Variants in IRS2 observed in about 807,000 individuals in gnomAD.
IRS2 encodes the protein insulin receptor substrate 2.
A neutral mutation model predicts 70.9 loss-of-function variants in IRS2; 28 were observed. The ratio of observed to expected loss-of-function variants is 0.39; its 90% CI spans 0.29 to 0.54. The LOEUF is 0.54. IRS2 is among the 20% of genes least tolerant of loss of function. The pLI, the probability that IRS2 is intolerant of heterozygous loss-of-function variation, is 0.59. For missense variants in IRS2, 2,081 were observed against 2,024.1 expected, an observed-to-expected ratio of 1.03 and a Z score of -0.54; for synonymous variants, 1,217 against 981.9, an observed-to-expected ratio of 1.24 and a Z score of -4.48.
chr13:109,784,927 G>A lies in IRS2; in HGVS notation c.1127C>T (p.Ala376Val), dbSNP rs1173701362. The change falls in exon 1 of 2, where the codon GCG becomes GTG. Residue 376 changes from alanine to valine, a missense_variant. Ala to Val is a moderately conservative substitution (Grantham distance 64). Transcript: ENST00000375856. This position sits in a 1 kb window ranked among gnomAD's most constrained non-coding sequence, Gnocchi z 5.2. ...EGDGGAAAGA[A>V]AAGARPVSVA... ...CGACACCGGCCTGGCGCCCGCGGCC[G>A]CCGCTCCCGCCGCCGCGCCGCCGTC... 9.4e-7 allele frequency: 1 copy of A among 1,058,812 alleles called. No individual in the cohort carries two copies. Among genetic ancestry groups the A allele is most frequent in the Non-Finnish European group, 1.1e-6 (1 of 879,652 alleles). The allele number at this position is 1,058,812 out of a possible 1,614,324, so 65.6% of individuals were successfully genotyped here. A position where few individuals can be genotyped will look rare whatever the true frequency, so the allele number is the denominator to read the frequency against.
In IRS2 at chr13:109,784,945, C is replaced by A; in HGVS notation, c.1109G>T (p.Gly370Val). Residue 370 changes from glycine to valine, a missense_variant, in exon 1 of 2, where the codon GGC becomes GTC. By Grantham distance (109) the Gly-to-Val change is moderately radical. Coordinates refer to ENST00000375856, the MANE Select transcript of IRS2 (RefSeq NM_003749.3). The surrounding 1 kb of genome is among the most constrained non-coding windows in gnomAD (Gnocchi z 5.2). ...CGCGGCCGCCGCTCCCGCCGCCGCG[C>A]CGCCGTCGCCCTCGCTGGCGGTGCG... is the stretch of plus-strand genomic sequence containing the variant. ...RVRTASEGDG[G>V]AAAGAAAAGA... 3 of 1,134,216 alleles carry A rather than the reference C, an allele frequency of 2.6e-6. No individual in the cohort carries two copies. Among genetic ancestry groups the A allele is most frequent in the Non-Finnish European group, 3.2e-6 (3 of 926,210 alleles). The allele number at this position is 1,134,216 out of a possible 1,614,324, so 70.3% of individuals were successfully genotyped here.
chr13:109,758,527 T>A (rs1760753823), intron 1 of IRS2, among the ~76,000 whole-genome samples: 1 of 126,142 alleles, frequency 7.9e-6, no homozygotes, highest in Non-Finnish European at 1.7e-5. Context: ...TGTGATTTCA[T>A]GAGGCCACTG....
rs1282400726 is a variant in IRS2, at chr13:109,783,752, T to C, written c.2302A>G (p.Asn768Asp). ...GTGACCGCGTCGCTGGGGGACACGT[T>C]GAGGTAGTCCCCGTTGGGCAGCAGC... The part of the protein sequence containing the change: ...GKLLPNGDYL[N>D]VSPSDAVTTG... Residue 768 changes from asparagine to aspartate, a missense_variant, in exon 1 of 2, where the codon AAC (asparagine) becomes GAC (aspartate). By Grantham distance (23) the Asn-to-Asp change is conservative. This residue lies in a region of IRS2 where 1,615 missense variants were observed against 1,459.5 expected (regional missense o/e 1.11). Coordinates refer to ENST00000375856, the MANE Select transcript of IRS2 (RefSeq NM_003749.3). 6.3e-7 allele frequency: 1 copy of C among 1,591,762 alleles called. No homozygotes were observed. Among genetic ancestry groups the C allele is most frequent in the Non-Finnish European group, 8.6e-7 (1 of 1,169,464 alleles).
intron 1 of IRS2, among the ~76,000 whole-genome samples, chr13:109,776,130 T>G (rs544765688): frequency 2.0e-5 from 3 of 147,072 alleles, no homozygotes; most frequent in Non-Finnish European, 4.4e-5. Context: ...GACTGAGTGA[T>G]AGAGTGAGAC....
rs1877079265 is a variant in IRS2, at chr13:109,755,251, A to G, written c.*1053T>C. On this transcript the variant is annotated 3_prime_UTR_variant, in exon 2 of 2. Coordinates refer to ENST00000375856, the MANE Select transcript of IRS2 (RefSeq NM_003749.3). ...TCTTTTTGTTTTTTTTGTTCAGGGCAGCCTCACTGGTTGACATAATAACAT... is the reference window on the plus strand; with the variant it reads ...TCTTTTTGTTTTTTTTGTTCAGGGCGGCCTCACTGGTTGACATAATAACAT... 1 of 205,702 alleles carries G rather than the reference A, an allele frequency of 4.9e-6. No individual in the cohort carries two copies. Among genetic ancestry groups the G allele is most frequent in the South Asian group, 2.0e-4 (1 of 4,940 alleles). 12.7% of individuals were successfully genotyped at this position (205,702 alleles called of 1,614,324 possible). A position where few individuals can be genotyped will look rare whatever the true frequency, so the allele number is the denominator to read the frequency against.
At chr13:109,766,033 C>T (rs1474993483) in intron 1 of IRS2, among the ~76,000 whole-genome samples, 2 of 30,556 alleles carry the variant, frequency 6.5e-5, no homozygotes, top group African/African-American at 1.4e-4. Context: ...ACCCTGGCTC[C>T]GACTCCCCAC....
intron 1 of IRS2, among the ~76,000 whole-genome samples, chr13:109,781,036 C>G (rs1234697009): frequency 6.6e-6 from 1 of 152,152 alleles, no homozygotes; most frequent in East Asian, 1.9e-4. Context: ...TTTGTCTTTC[C>G]CTTGTTTTCT....
intron 1 of IRS2, 149 bp downstream of exon 1, chr13:109,781,893 G>T: frequency 2.4e-6 from 2 of 832,268 alleles, no homozygotes; most frequent in Non-Finnish European, 3.9e-6. Flanking sequence ...GAACAGGGCA[G>T]CCCGCAGAAA....
chr13:109,785,064 G>C lies in IRS2; in HGVS notation c.990C>G (p.Asn330Lys). ...CCAGGCCCGTCTGGCTGGGGGGCAG[G>C]TTGACCAGGTGGTGGTGGCGGCGCG... The part of the protein sequence containing the change: ...PGARRHHHLV[N>K]LPPSQTGLVR... The change falls in exon 1 of 2, where the codon AAC becomes AAG. Residue 330 changes from asparagine (N) to lysine (K), a missense_variant. Physicochemically the swap from Asn to Lys is moderately conservative, Grantham distance 94. Around this residue, in one of 4 missense-constraint regions of IRS2, gnomAD observed 111 missense variants for 133.1 expected, o/e 0.83. Transcript: ENST00000375856. The surrounding 1 kb of genome is among the most constrained non-coding windows in gnomAD (Gnocchi z 9.3). 6.4e-7 allele frequency: 1 copy of C among 1,568,238 alleles called. No individual in the cohort carries two copies. The highest frequency in any genetic ancestry group is 8.6e-7 in the Non-Finnish European group (1 of 1,158,478).
intron 1 of IRS2, among the ~76,000 whole-genome samples, chr13:109,764,986 C>T (rs1403947907): frequency 6.6e-6 from 1 of 152,186 alleles, no homozygotes; most frequent in Non-Finnish European, 1.5e-5. Context: ...GAGGACAGGA[C>T]AAAATGCCCG....
At chr13:109,760,499 A>C (rs1219428719) in intron 1 of IRS2, among the ~76,000 whole-genome samples, 2 of 152,244 alleles carry the variant, frequency 1.3e-5, no homozygotes, top group African/African-American at 4.8e-5. Flanking sequence ...TAAAACCAAC[A>C]AACAAAAACA....
Position 109,784,858 on chromosome 13 carries a change from A to G in IRS2, c.1196T>C (p.Leu399Pro). The G allele has an allele frequency of 1.7e-6, 2 of 1,154,514 alleles. No homozygotes were observed. Among genetic ancestry groups the G allele is most frequent in the Non-Finnish European group, 2.1e-6 (2 of 932,416 alleles). The allele number at this position is 1,154,514 out of a possible 1,614,324, so 71.5% of individuals were successfully genotyped here. ...PLSPGPVRAP[L>P]SRSHTLSGGC... is the part of the protein sequence containing the mutation. The stretch of plus-strand genomic sequence containing the variant: ...GCCGCTCAGGGTGTGCGAGCGGCTC[A>G]GGGGCGCGCGCACCGGCCCGGGGCT... The change falls in exon 1 of 2, where the codon CTG becomes CCG. Residue 399 changes from leucine to proline, a missense_variant. Leu to Pro is a moderately conservative substitution (Grantham distance 98, BLOSUM62 -3). Around this residue, in one of 4 missense-constraint regions of IRS2, gnomAD observed 1,615 missense variants for 1,459.5 expected, o/e 1.11. Transcript: ENST00000375856. This position sits in a 1 kb window ranked among gnomAD's most constrained non-coding sequence, Gnocchi z 5.2.
chr13:109,782,966 G>A lies in IRS2; in HGVS notation c.3088C>T (p.Gln1030Ter), dbSNP rs2138931274. 7.0e-7 allele frequency: 1 copy of A among 1,422,938 alleles called. No individual in the cohort carries two copies. The highest frequency in any genetic ancestry group is 9.1e-7 in the Non-Finnish European group (1 of 1,093,084). 88.1% of individuals were successfully genotyped at this position (1,422,938 alleles called of 1,614,324 possible). A position where few individuals can be genotyped will look rare whatever the true frequency, so the allele number is the denominator to read the frequency against. The change falls in exon 1 of 2, where the codon CAG (glutamine) becomes TAG (stop). Residue 1030 changes from glutamine (Q) to a stop codon, truncating the protein, a stop_gained. Transcript: ENST00000375856. LOFTEE classifies it high-confidence loss of function. ...RPSASPSSSL[Q>*]PPPPPPAPGE... is the part of the protein sequence containing the mutation. ...GGGGCCGGCGGCGGTGGCGGCGGCT[G>A]CAGAGACGACGACGGGGACGCGGAC... is the stretch of plus-strand genomic sequence containing the variant.
At position 109,785,201 on chromosome 13, in the gene IRS2, C is replaced by G; in HGVS notation, c.853G>C (p.Glu285Gln). The G allele has an allele frequency of 2.5e-6, 4 of 1,603,286 alleles. No individual in the cohort carries two copies. The highest frequency in any genetic ancestry group is 3.4e-6 in the Non-Finnish European group (4 of 1,175,738). Reference sequence around the variant, plus strand: ...GCCTTCATGGCCTCCAGGATGGTCTCGTGGATGTTCTGCGCCACCACCGAG... The same window carrying G: ...GCCTTCATGGCCTCCAGGATGGTCTGGTGGATGTTCTGCGCCACCACCGAG... ...DDSVVAQNIH[E>Q]TILEAMKALK... The change falls in exon 1 of 2, where the codon GAG (glutamate) becomes CAG (glutamine). Residue 285 changes from glutamate (E) to glutamine (Q), a missense_variant. By Grantham distance (29) the Glu-to-Gln change is conservative. Transcript: ENST00000375856. The surrounding 1 kb of genome is among the most constrained non-coding windows in gnomAD (Gnocchi z 9.3).
Position 109,783,684 on chromosome 13 carries a change from G to C in IRS2, c.2370C>G (p.Pro790=). Residue 790 remains proline, a synonymous_variant, in exon 1 of 2, where the codon CCC becomes CCG. Transcript: ENST00000375856. ...GAACGCCCCTGAGCGGCTCCCCGCC[G>C]GGGTGCAGGGCTGCGGAGAAGAAGT... The part of the protein sequence containing the change: ...PPDFFSAALH[P]GGEPLRGVPG... The C allele has an allele frequency of 6.4e-7, 1 of 1,560,524 alleles. No homozygotes were observed. The highest frequency in any genetic ancestry group is 1.4e-5 in the African/African-American group (1 of 73,804).
Position 109,785,796 on chromosome 13 carries a change from T to C in IRS2, c.258A>G (p.Ala86=). The change falls in exon 1 of 2, where the codon GCA becomes GCG. Residue 86 remains alanine (A), a synonymous_variant. Transcript: ENST00000375856. This position sits in a 1 kb window ranked among gnomAD's most constrained non-coding sequence, Gnocchi z 9.3. ...GAGCGATCACCCGTTTCGGCGCGCCTGCCTTGCTCCGCCACTTTTTCTCGC... is the reference window on the plus strand; with the variant it reads ...GAGCGATCACCCGTTTCGGCGCGCCCGCCTTGCTCCGCCACTTTTTCTCGC... ...YESEKKWRSK[A]GAPKRVIALD... is the part of the protein sequence containing the mutation. 6.3e-7 allele frequency: 1 copy of C among 1,576,574 alleles called. No homozygotes were observed. The highest frequency in any genetic ancestry group is 1.7e-5 in the Admixed American group (1 of 57,642).
chr13:109,773,416 T>A (rs1877502088), intron 1 of IRS2, among the ~76,000 whole-genome samples: 1 of 152,208 alleles, frequency 6.6e-6, no homozygotes, highest in South Asian at 2.1e-4. Flanking sequence ...ATTTCACTTA[T>A]AGAACAAGCA....
chr13:109,762,863 A>G (rs925980049), intron 1 of IRS2, among the ~76,000 whole-genome samples: 4 of 152,244 alleles, frequency 2.6e-5, no homozygotes, highest in Admixed American at 1.3e-4. Context: ...TTTCTAAAAC[A>G]GAACGAAGCT....
chr13:109,781,963 G>A (rs11618950), intron 1 of IRS2, 79 bp downstream of exon 1: 263,955 of 1,508,380 alleles, frequency 0.17, 25,490 homozygotes, highest in African/African-American at 0.37. Flanking sequence ...CCAAAAAGTG[G>A]GAGCAGTGAA....
Sources: gnomAD v4.1 joint callset for allele counts (sites outside exome capture counted in the v4.1 genomes callset) on GRCh38, gnomAD v4.1.1 for gene constraint, gnomAD v4.1.1 regional missense constraint, Gnocchi (gnomAD v3.1) non-coding constraint, MANE v1.5 for transcripts, NCBI Gene and HGNC (gene_info 2026-07-23, HGNC 2026-07-21) for gene names.